Variants in MAGI3 observed in about 807,000 individuals in gnomAD.
The protein encoded by MAGI3 is membrane associated guanylate kinase, WW and PDZ domain containing 3.
In MAGI3, 43 loss-of-function variants were observed where a neutral mutation model predicts 121.8. The observed-to-expected ratio is 0.35, with a 90% CI of 0.28 to 0.46. MAGI3 has a LOEUF of 0.46. Among genes scored for constraint, MAGI3 ranks in the 20% least tolerant of loss-of-function variants. The pLI is 1.00. For missense variants in MAGI3, 1,547 were observed against 1,797.3 expected, an observed-to-expected ratio of 0.86 and a Z score of 2.52; for synonymous variants, 553 against 639.3, an observed-to-expected ratio of 0.86 and a Z score of 2.04.
chr1:113,407,556 C>G (rs1243587833), intron 1 of MAGI3, among the ~76,000 whole-genome samples: 1 of 147,110 alleles, frequency 6.8e-6, no homozygotes, highest in Non-Finnish European at 1.5e-5. Context: ...ACCTATTCCT[C>G]CATCCATCAA....
At chr1:113,513,825 A>T (rs548698799) in intron 1 of MAGI3, among the ~76,000 whole-genome samples, 48 of 152,320 alleles carry the variant, frequency 3.2e-4, no homozygotes, top group African/African-American at 1.1e-3. Context: ...AGAAACTACC[A>T]TCAGAGTGAA....
At chr1:113,578,588 T>C (rs1282419391) in intron 2 of MAGI3, among the ~76,000 whole-genome samples, 1 of 152,134 alleles carries the variant, frequency 6.6e-6, no homozygotes, top group Non-Finnish European at 1.5e-5. Flanking sequence ...ACCTGGCTAA[T>C]TTTAAAAATT....
intron 1 of MAGI3, among the ~76,000 whole-genome samples, chr1:113,407,827 A>G (rs1651771106): frequency 6.6e-6 from 1 of 152,092 alleles, no homozygotes; most frequent in African/African-American, 2.4e-5. Context: ...TTTCCCACGA[A>G]CTCGTTTATG....
intron 1 of MAGI3, among the ~76,000 whole-genome samples, chr1:113,482,089 AAT>A (rs1656141439): frequency 6.6e-6 from 1 of 151,956 alleles, no homozygotes; most frequent in African/African-American, 2.4e-5. Flanking sequence ...ATTAAATTTA[AAT>A]ATTTAAGATT....
At chr1:113,539,862 C>T (rs1291139426) in intron 1 of MAGI3, among the ~76,000 whole-genome samples, 2 of 150,870 alleles carry the variant, frequency 1.3e-5, no homozygotes, top group African/African-American at 2.4e-5. Flanking sequence ...GATCATGGCT[C>T]ACTGTAGCTT....
At chr1:113,568,414 A>G (rs1343125) in intron 2 of MAGI3, among the ~76,000 whole-genome samples, 34,344 of 151,982 alleles carry the variant, frequency 0.23, 4,922 homozygotes, top group East Asian at 0.65. Context: ...CAAAGATACC[A>G]GTTCTGCTCA....
chr1:113,643,894 G>T, intron 11 of MAGI3, 120 bp downstream of exon 11: 2 of 1,025,730 alleles, frequency 1.9e-6, no homozygotes, highest in Non-Finnish European at 3.0e-6. Context: ...TAGGAGGCAT[G>T]CTGCCCTTGG....
intron 1 of MAGI3, among the ~76,000 whole-genome samples, chr1:113,395,671 G>A (rs766612323): frequency 6.6e-6 from 1 of 151,546 alleles, no homozygotes; most frequent in Non-Finnish European, 1.5e-5. Flanking sequence ...ATATGTATAT[G>A]TATATACACA....
intron 1 of MAGI3, chr1:113,404,257 G>A (rs1403576028): frequency 6.6e-6 from 1 of 152,072 alleles, no homozygotes; most frequent in East Asian, 1.9e-4. Context: ...GGGGCTTATT[G>A]TCTTTTGAAC....
At chr1:113,453,857 T>C (rs1375938836) in intron 1 of MAGI3, among the ~76,000 whole-genome samples, 3 of 152,240 alleles carry the variant, frequency 2.0e-5, no homozygotes, top group African/African-American at 7.2e-5. Flanking sequence ...CAACACGCAA[T>C]CTGATTTCAG....
rs1196572954 is a variant in MAGI3, at chr1:113,642,550, T to C, written c.1966+34T>C. 3 of 1,573,972 alleles carry C rather than the reference T, an allele frequency of 1.9e-6. No homozygotes were observed. The African/African-American group carries it at 4.1e-5, about 21-fold the overall frequency. ...AAGCACAACATAGAAAAAGTTTCAG[T>C]GTTCAAGCGTTTATATCTACTGATT... On this transcript the variant is annotated intron_variant, in intron 10 of 20. Coordinates refer to ENST00000307546, the MANE Select transcript of MAGI3 (RefSeq NM_001142782.2).
intron 1 of MAGI3, among the ~76,000 whole-genome samples, chr1:113,540,329 C>G (rs1335298125): frequency 6.6e-6 from 1 of 152,182 alleles, no homozygotes; most frequent in Non-Finnish European, 1.5e-5. Context: ...TTCACACATG[C>G]TTAAGATCCA....
At chr1:113,495,300 T>G (rs1489122220) in intron 1 of MAGI3, among the ~76,000 whole-genome samples, 1 of 152,086 alleles carries the variant, frequency 6.6e-6, no homozygotes, top group Non-Finnish European at 1.5e-5. Context: ...TTCAGGAAGA[T>G]TTTTAGCTTG....
At chr1:113,544,817 A>G (rs1028030120) in intron 1 of MAGI3, among the ~76,000 whole-genome samples, 1 of 152,208 alleles carries the variant, frequency 6.6e-6, no homozygotes, top group Non-Finnish European at 1.5e-5. Context: ...GACCTATACA[A>G]TTCTTACTTT....
chr1:113,561,439 G>A (rs909246734), intron 2 of MAGI3, among the ~76,000 whole-genome samples: 15 of 152,094 alleles, frequency 9.9e-5, no homozygotes, highest in East Asian at 3.9e-4. Flanking sequence ...GCTTTATCCC[G>A]AGGATGCAAG....
intron 2 of MAGI3, among the ~76,000 whole-genome samples, chr1:113,563,188 AT>A (rs1660309810): frequency 6.6e-6 from 1 of 152,228 alleles, no homozygotes; most frequent in Non-Finnish European, 1.5e-5. Flanking sequence ...ATATAGTAAT[AT>A]TAGAAAACAA....
chr1:113,417,947 A>G (rs1652538453), intron 1 of MAGI3, among the ~76,000 whole-genome samples: 1 of 152,120 alleles, frequency 6.6e-6, no homozygotes. Flanking sequence ...AAACCTAATT[A>G]CCAAGTTTTA....
intron 1 of MAGI3, among the ~76,000 whole-genome samples, chr1:113,402,817 G>C (rs763965059): frequency 6.6e-6 from 1 of 152,098 alleles, no homozygotes; most frequent in African/African-American, 2.4e-5. Context: ...CTCAGGCCAC[G>C]TAAAGCTGGC....
At chr1:113,647,428 A>G (rs1174975988) in intron 12 of MAGI3, among the ~76,000 whole-genome samples, 3 of 152,148 alleles carry the variant, frequency 2.0e-5, no homozygotes, top group East Asian at 1.9e-4. Flanking sequence ...GGTGTATGCA[A>G]TTTGAGGGAG....
Sources: allele counts gnomAD v4.1 joint callset (sites outside exome capture counted in the v4.1 genomes callset), GRCh38; gene constraint gnomAD v4.1.1; transcripts MANE v1.5; gene names NCBI Gene and HGNC (gene_info 2026-07-23, HGNC 2026-07-21).